Variants in DNAJC5B observed in about 807,000 individuals in gnomAD.
DNAJC5B encodes dnaJ homolog subfamily C member 5B.
Under a neutral mutation model 24.7 loss-of-function variants are expected in DNAJC5B, and 23 were observed. That is an observed-to-expected ratio of 0.93 (90% CI 0.67 to 1.32). DNAJC5B has a LOEUF of 1.32. DNAJC5B is among the 40% of genes most tolerant of loss of function. DNAJC5B has a pLI of 0.00. For synonymous variants in DNAJC5B, 101 were observed against 90.1 expected (o/e 1.12, Z -0.68); for missense variants, 238 against 240.8 (o/e 0.99, Z 0.08).
intron 3 of DNAJC5B, among the ~76,000 whole-genome samples, chr8:66,051,965 A>AT (rs57623611): frequency 4.3e-4 from 63 of 147,152 alleles, no homozygotes; most frequent in Admixed American, 6.1e-4. Context: ...AATTGCTGTC[A>AT]TTTTTTTTTT....
intron 5 of DNAJC5B, among the ~76,000 whole-genome samples, chr8:66,083,656 C>A (rs1286823847): frequency 6.6e-6 from 1 of 152,132 alleles, no homozygotes; most frequent in African/African-American, 2.4e-5. Context: ...TTTTCATGTC[C>A]CCTCAGCAAG....
At chr8:66,021,304 G>A (rs1806115766), upstream of DNAJC5B, among the ~76,000 whole-genome samples, 1 of 152,162 alleles carries the variant, frequency 6.6e-6, no homozygotes, top group Non-Finnish European at 1.5e-5. Flanking sequence ...CCACAGTTAA[G>A]ATCCCATAAT....
chr8:66,048,950 A>C (rs1460070781), intron 2 of DNAJC5B, among the ~76,000 whole-genome samples: 1 of 152,180 alleles, frequency 6.6e-6, no homozygotes, highest in South Asian at 2.1e-4. Flanking sequence ...TCCCAAGCAG[A>C]ATCCTGTCCT....
chr8:66,087,439 T>C (rs1807751743), intron 5 of DNAJC5B, among the ~76,000 whole-genome samples: 1 of 152,136 alleles, frequency 6.6e-6, no homozygotes, highest in Admixed American at 6.5e-5. Context: ...AAACCTCATG[T>C]CCTTTTCACA....
chr8:66,054,189 T>A (rs1330457140), intron 3 of DNAJC5B, among the ~76,000 whole-genome samples: 3 of 152,182 alleles, frequency 2.0e-5, no homozygotes, highest in Non-Finnish European at 4.4e-5. Flanking sequence ...AATCAAAATA[T>A]AAATAAATTT....
intron 3 of DNAJC5B, among the ~76,000 whole-genome samples, chr8:66,063,592 T>C (rs1807128691): frequency 6.6e-6 from 1 of 152,114 alleles, no homozygotes; most frequent in African/African-American, 2.4e-5. Context: ...CTGCATAACC[T>C]CCCTTGTCCC....
At chr8:66,063,393 G>A (rs1426170824) in intron 3 of DNAJC5B, among the ~76,000 whole-genome samples, 5 of 152,170 alleles carry the variant, frequency 3.3e-5, no homozygotes, top group African/African-American at 1.2e-4. Flanking sequence ...AAATGTCAGG[G>A]GAATGCATAG....
chr8:66,075,616 A>T (rs931095427), intron 3 of DNAJC5B, among the ~76,000 whole-genome samples: 7 of 152,226 alleles, frequency 4.6e-5, no homozygotes, highest in African/African-American at 1.7e-4. Context: ...TTTTGGTTAA[A>T]TAAATTTAAC....
chr8:66,049,703 A>G (rs1245964689), intron 2 of DNAJC5B, among the ~76,000 whole-genome samples: 3 of 152,236 alleles, frequency 2.0e-5, no homozygotes, highest in African/African-American at 7.2e-5. Context: ...GTGTTATCAT[A>G]ATCCGTGTAG....
chr8:66,023,546 T>C (rs755295057), intron 1 of DNAJC5B, among the ~76,000 whole-genome samples: 2 of 152,196 alleles, frequency 1.3e-5, no homozygotes, highest in Non-Finnish European at 2.9e-5. Flanking sequence ...TTTACCAGAT[T>C]TTTACTTTAT....
chr8:66,070,829 G>A (rs1461199102), intron 3 of DNAJC5B, among the ~76,000 whole-genome samples: 2 of 152,194 alleles, frequency 1.3e-5, no homozygotes, highest in Non-Finnish European at 2.9e-5. Context: ...AATCAAAACA[G>A]CATGGTACTG....
At chr8:66,083,509 T>C (rs775472411) in intron 5 of DNAJC5B, among the ~76,000 whole-genome samples, 2 of 152,206 alleles carry the variant, frequency 1.3e-5, no homozygotes, top group African/African-American at 2.4e-5. Context: ...ATAGAAGATA[T>C]AAGATTTGGA....
At chr8:66,030,335 C>G (rs116671512) in intron 1 of DNAJC5B, among the ~76,000 whole-genome samples, 1,896 of 152,308 alleles carry the variant, frequency 0.012, 46 homozygotes, top group African/African-American at 0.043. Flanking sequence ...AAGTCATGGC[C>G]TGTACAACAA....
chr8:66,088,923 G>T (rs769985569), intron 5 of DNAJC5B, among the ~76,000 whole-genome samples: 1 of 152,060 alleles, frequency 6.6e-6, no homozygotes, highest in Non-Finnish European at 1.5e-5. Flanking sequence ...CCTCCAAACT[G>T]TTCCAACCTC....
At chr8:66,085,953 G>A (rs980939169) in intron 5 of DNAJC5B, among the ~76,000 whole-genome samples, 14 of 152,062 alleles carry the variant, frequency 9.2e-5, no homozygotes, top group Admixed American at 5.9e-4. Flanking sequence ...ACTTATCCAC[G>A]TCTCATTTGA....
chr8:66,038,536 A>C (rs1806537671), intron 1 of DNAJC5B, among the ~76,000 whole-genome samples: 1 of 152,232 alleles, frequency 6.6e-6, no homozygotes, highest in South Asian at 2.1e-4. Context: ...TCAGACAACA[A>C]TTTGCAGAGC....
At chr8:66,027,645 G>C (rs1806274567) in intron 1 of DNAJC5B, among the ~76,000 whole-genome samples, 1 of 152,182 alleles carries the variant, frequency 6.6e-6, no homozygotes, top group African/African-American at 2.4e-5. Context: ...TAGAAGACCA[G>C]TATTTTCGTC....
chr8:66,044,139 A>T (rs948759362), intron 2 of DNAJC5B, among the ~76,000 whole-genome samples: 4 of 152,196 alleles, frequency 2.6e-5, no homozygotes, highest in Non-Finnish European at 5.9e-5. Context: ...CAAATAGCAA[A>T]TAAGTAATCC....
Position 66,061,608 on chromosome 8 carries a change from A to AGT in DNAJC5B, c.119+9943_119+9944insTG, listed in dbSNP as rs1196493152. ...AATGGATAGAGAGAGAGAGAGAGAG[A>AGT]GAGTGTGTGTGTGTGTGTGTGTGTG... On this transcript the variant is annotated intron_variant, in intron 3 of 5. Transcript: ENST00000276570. Among the ~76,000 whole-genome samples the AGT allele has an allele frequency of 8.3e-4, 123 of 148,904 alleles. 1 individual carries two copies. The highest frequency in any genetic ancestry group is 1.3e-3 in the African/African-American group (53 of 39,928).
Sources: gnomAD v4.1 joint callset for allele counts (sites outside exome capture counted in the v4.1 genomes callset) on GRCh38, gnomAD v4.1.1 for gene constraint, MANE v1.5 for transcripts, NCBI Gene and HGNC (gene_info 2026-07-23, HGNC 2026-07-21) for gene names.